ITPR2: variants seen among roughly 807,000 people sequenced by gnomAD.
ITPR2 encodes the protein inositol 1,4,5-trisphosphate receptor type 2, also known as inositol 1,4,5-trisphosphate-gated calcium channel ITPR2.
In ITPR2, 207 loss-of-function variants were observed where a neutral mutation model predicts 317.1. The observed-to-expected ratio is 0.65, with a 90% CI of 0.58 to 0.73. The LOEUF is 0.73. ITPR2 is among the 30% of genes least tolerant of loss of function. ITPR2 has a pLI of 0.00. For synonymous variants in ITPR2, 1,156 were observed against 1,149.1 expected, an observed-to-expected ratio of 1.01 and a Z score of -0.12; for missense variants, 2,613 against 3,284.0, an observed-to-expected ratio of 0.80 and a Z score of 4.99.
chr12:26,484,302 T>C (rs1294835409), intron 41 of ITPR2, among the ~76,000 whole-genome samples: 4 of 151,758 alleles, frequency 2.6e-5, no homozygotes, highest in Admixed American at 1.3e-4. Context: ...AAGAAGTTCA[T>C]TAGGGAGAGA....
At chr12:26,805,742 C>T (rs1003922579) in intron 1 of ITPR2, among the ~76,000 whole-genome samples, 5 of 151,580 alleles carry the variant, frequency 3.3e-5, no homozygotes, top group African/African-American at 7.3e-5. Flanking sequence ...ACAGTGGGAC[C>T]GTGTTCACTA....
chr12:26,433,617 TC>T (rs1941277031), intron 48 of ITPR2, among the ~76,000 whole-genome samples: 1 of 152,196 alleles, frequency 6.6e-6, no homozygotes, highest in Non-Finnish European at 1.5e-5. Context: ...GATTTTACAA[TC>T]TTTGTATTTT....
At chr12:26,798,084 TC>T (rs1335073708) in intron 1 of ITPR2, among the ~76,000 whole-genome samples, 1 of 152,250 alleles carries the variant, frequency 6.6e-6, no homozygotes, top group East Asian at 1.9e-4. Flanking sequence ...CATGAATTTC[TC>T]CCTCAGCTGC....
chr12:26,488,283 C>A (rs991101478), intron 39 of ITPR2, among the ~76,000 whole-genome samples: 4 of 151,846 alleles, frequency 2.6e-5, no homozygotes, highest in Admixed American at 2.6e-4. Context: ...ATGAAGAAAA[C>A]ATAAGAAAAA....
chr12:26,769,774 T>C (rs1020707840), intron 2 of ITPR2, among the ~76,000 whole-genome samples: 4 of 152,064 alleles, frequency 2.6e-5, no homozygotes, highest in Non-Finnish European at 5.9e-5. Context: ...GCCTAATACA[T>C]GACACAAGAG....
chr12:26,817,160 G>A lies in ITPR2; in HGVS notation c.92+15530C>T, dbSNP rs1345728758. 6.0e-5 allele frequency among the ~76,000 whole-genome samples: 7 copies of A among 116,936 alleles called. No homozygotes were observed. The East Asian group carries it at 7.9e-4, about 13-fold the overall frequency. 76.7% of individuals were successfully genotyped at this position (116,936 alleles called of 152,430 possible). On this transcript the variant is annotated intron_variant, in intron 1 of 56. Coordinates refer to ENST00000381340, the MANE Select transcript of ITPR2 (RefSeq NM_002223.4). ...CACGCCACTGCACTCCAGCCTGGGC[G>A]ACAGACCGAGAGTCTCTTTCAAAAA...
intron 42 of ITPR2, 120 bp downstream of exon 42, chr12:26,483,571 GTATGTTT>G: frequency 1.5e-6 from 1 of 676,190 alleles, no homozygotes; most frequent in Non-Finnish European, 2.6e-6. Context: ...TTCAGTCTTT[GTATGTTT>G]TATTAGGAAA....
chr12:26,534,442 C>A (rs1290539958), intron 37 of ITPR2, among the ~76,000 whole-genome samples: 2 of 152,102 alleles, frequency 1.3e-5, no homozygotes, highest in Non-Finnish European at 2.9e-5. Flanking sequence ...GTAAAGAAAT[C>A]TCTTCTATTC....
chr12:26,634,884 CAAAAAA>C (rs55985706), intron 21 of ITPR2, among the ~76,000 whole-genome samples: 1 of 58,544 alleles, frequency 1.7e-5, no homozygotes, highest in Non-Finnish European at 3.0e-5. Flanking sequence ...GACTTCATCT[CAAAAAA>C]AAAAAAAAAA....
chr12:26,599,049 A>G (rs1945925485), intron 30 of ITPR2, 96 bp downstream of exon 30: 6 of 1,118,950 alleles, frequency 5.4e-6, no homozygotes, highest in Non-Finnish European at 8.0e-6. Flanking sequence ...TAATTTTCCA[A>G]ACCTATGTTG....
intron 2 of ITPR2, among the ~76,000 whole-genome samples, chr12:26,747,764 G>A (rs909640474): frequency 6.6e-6 from 1 of 152,176 alleles, no homozygotes; most frequent in African/African-American, 2.4e-5. Context: ...CCCTGTTCAA[G>A]AATTCTTCCA....
chr12:26,354,838 A>G (rs778020962), intron 55 of ITPR2, among the ~76,000 whole-genome samples: 1 of 152,034 alleles, frequency 6.6e-6, no homozygotes, highest in Non-Finnish European at 1.5e-5. Flanking sequence ...ACGCCCAGCT[A>G]ATTTTTGTAT....
chr12:26,830,297 T>C (rs1173429451), intron 1 of ITPR2, among the ~76,000 whole-genome samples: 1 of 152,240 alleles, frequency 6.6e-6, no homozygotes, highest in African/African-American at 2.4e-5. Context: ...AGTTCATTAA[T>C]AGAAAAACAA....
At chr12:26,617,179 G>C (rs1031520907) in intron 26 of ITPR2, among the ~76,000 whole-genome samples, 1 of 151,976 alleles carries the variant, frequency 6.6e-6, no homozygotes, top group Middle Eastern at 3.2e-3. Flanking sequence ...ATAAAACTCT[G>C]GAAAGATTGA....
chr12:26,411,114 C>T (rs1488851830), intron 52 of ITPR2: 1 of 514,512 alleles, frequency 1.9e-6, no homozygotes, highest in Non-Finnish European at 3.5e-6. Context: ...TGAATAGAAA[C>T]AATATAACGA....
intron 45 of ITPR2, among the ~76,000 whole-genome samples, chr12:26,472,411 C>G (rs975775087): frequency 1.3e-5 from 2 of 152,026 alleles, no homozygotes; most frequent in Non-Finnish European, 2.9e-5. Flanking sequence ...CTCGAGTCTG[C>G]CTTTGTTTCT....
chr12:26,394,361 T>G (rs1391001455), intron 54 of ITPR2, among the ~76,000 whole-genome samples: 1 of 152,150 alleles, frequency 6.6e-6, no homozygotes, highest in Non-Finnish European at 1.5e-5. Context: ...CTAAGTGTGA[T>G]GTGAGGAATT....
chr12:26,464,175 G>T (rs1048542770), intron 45 of ITPR2, among the ~76,000 whole-genome samples: 1 of 152,112 alleles, frequency 6.6e-6, no homozygotes, highest in Non-Finnish European at 1.5e-5. Context: ...TGGGGCGTGG[G>T]GGGGAATGGT....
In ITPR2 at chr12:26,597,097, T is replaced by C. The variant is rs1330707682; in HGVS notation, c.4040A>G (p.Asn1347Ser). The C allele has an allele frequency of 6.2e-6, 10 of 1,613,880 alleles. No individual in the cohort carries two copies. The highest frequency in any genetic ancestry group is 1.3e-5 in the African/African-American group (1 of 74,920). The change falls in exon 31 of 57, where the codon AAT becomes AGT. Residue 1347 changes from asparagine to serine, a missense_variant. Coordinates refer to ENST00000381340, the MANE Select transcript of ITPR2 (RefSeq NM_002223.4). ...NGGEDVLIFYNDRASFPILLH... is the reference protein window; with the variant it reads ...NGGEDVLIFYSDRASFPILLH... ...AAGGATTGGAAATGATGCTCTATCA[T>C]TGTAAAATATCAGCACGTCTTCACC...
Sources: allele counts gnomAD v4.1 joint callset (sites outside exome capture counted in the v4.1 genomes callset), GRCh38; gene constraint gnomAD v4.1.1; transcripts MANE v1.5; gene names NCBI Gene and HGNC (gene_info 2026-07-23, HGNC 2026-07-21).